Variants in TRMT11 observed in about 807,000 individuals in gnomAD.
TRMT11 encodes tRNA methyltransferase 11, also known as tRNA (guanine(10)-N(2))-methyltransferase TRMT11.
TRMT11 carries 53 observed loss-of-function variants against 62.8 expected under a neutral mutation model. The ratio of observed to expected loss-of-function variants is 0.84; its 90% CI spans 0.68 to 1.06. TRMT11 has a LOEUF of 1.06. Ranked by LOEUF, TRMT11 falls within the 50% of genes least tolerant of loss-of-function variation. TRMT11 has a pLI of 0.00. For synonymous variants in TRMT11, 188 were observed against 190.3 expected (o/e 0.99, Z 0.10); for missense variants, 556 against 553.4 (o/e 1.00, Z -0.05).
At chr6:126,141,248 T>G (rs1415265413) in intron 21 of TRMT11, among the ~76,000 whole-genome samples, 2 of 152,124 alleles carry the variant, frequency 1.3e-5, no homozygotes, top group Admixed American at 1.3e-4. Context: ...TGTCTAATTT[T>G]GGTTATCAAA....
At chr6:126,000,607 A>G (rs949363056) in intron 7 of TRMT11, among the ~76,000 whole-genome samples, 2 of 152,128 alleles carry the variant, frequency 1.3e-5, no homozygotes, top group African/African-American at 4.8e-5. Context: ...CATGCCCTTA[A>G]CTTTGAGCTG....
At chr6:126,241,213 G>C in the TRMT11 span, among the ~76,000 whole-genome samples, 13 of 152,302 alleles carry the variant, frequency 8.5e-5, no homozygotes, top group African/African-American at 2.2e-4. Context: ...TGCACCCACT[G>C]TCTGACAGTC....
the TRMT11 span, among the ~76,000 whole-genome samples, chr6:126,236,864 TAG>T: frequency 6.6e-6 from 1 of 152,178 alleles, no homozygotes; most frequent in African/African-American, 2.4e-5. Flanking sequence ...TAATTGGTCT[TAG>T]GTAATCCCTC....
chr6:126,141,111 T>C (rs897625648), intron 21 of TRMT11, among the ~76,000 whole-genome samples: 1 of 152,068 alleles, frequency 6.6e-6, no homozygotes, highest in African/African-American at 2.4e-5. Context: ...GAAAACGTAC[T>C]TAGCAAACTG....
At chr6:126,083,319 A>G (rs1777179341) in intron 17 of TRMT11, among the ~76,000 whole-genome samples, 2 of 152,056 alleles carry the variant, frequency 1.3e-5, no homozygotes, top group African/African-American at 2.4e-5. Context: ...CCTGACCCCA[A>G]TGTACCTAAG....
chr6:126,180,698 G>T (rs1008472956), intron 1 of TRMT11, among the ~76,000 whole-genome samples: 2 of 152,128 alleles, frequency 1.3e-5, no homozygotes, highest in African/African-American at 4.8e-5. Flanking sequence ...AACTGCTTAC[G>T]CATGTGGCAA....
At chr6:125,990,596 T>C (rs1403354466) in intron 1 of TRMT11, among the ~76,000 whole-genome samples, 1 of 152,218 alleles carries the variant, frequency 6.6e-6, no homozygotes, top group Non-Finnish European at 1.5e-5. Context: ...ATTTTTGTTA[T>C]CTTTCTATGC....
At chr6:126,005,933 AC>A (rs904303292) in intron 7 of TRMT11, among the ~76,000 whole-genome samples, 2 of 151,888 alleles carry the variant, frequency 1.3e-5, no homozygotes, top group African/African-American at 2.4e-5. Flanking sequence ...CCTTCAGATG[AC>A]CCATAGGTGG....
At chr6:126,272,244 A>C in the TRMT11 span, among the ~76,000 whole-genome samples, 2 of 152,146 alleles carry the variant, frequency 1.3e-5, no homozygotes, top group South Asian at 4.1e-4. Context: ...AAACTAAGTA[A>C]GTGACCTTTT....
chr6:126,139,395 G>T (rs1777888394), intron 21 of TRMT11, among the ~76,000 whole-genome samples: 1 of 151,858 alleles, frequency 6.6e-6, no homozygotes, highest in East Asian at 1.9e-4. Context: ...TCAAGACTGA[G>T]TCTTGCTCTA....
At chr6:126,033,062 G>A (rs113257744) in intron 12 of TRMT11, among the ~76,000 whole-genome samples, 10 of 152,218 alleles carry the variant, frequency 6.6e-5, no homozygotes, top group South Asian at 2.1e-4. Flanking sequence ...CTGAATTGAC[G>A]TATTGTGGAA....
At chr6:126,202,704 T>A (rs865988961), downstream of TRMT11, among the ~76,000 whole-genome samples, 12 of 152,346 alleles carry the variant, frequency 7.9e-5, no homozygotes, top group Non-Finnish European at 1.5e-4. Flanking sequence ...AAAGTTTATA[T>A]GTTGGCTGAG....
At chr6:126,244,527 T>G in the TRMT11 span, among the ~76,000 whole-genome samples, 2 of 152,210 alleles carry the variant, frequency 1.3e-5, no homozygotes, top group East Asian at 3.8e-4. Flanking sequence ...TTACAAGCTT[T>G]GCTTCCAAGG....
At chr6:126,168,587 T>C (rs1977510) in intron 21 of TRMT11, among the ~76,000 whole-genome samples, 49,330 of 152,054 alleles carry the variant, frequency 0.32, 9,715 homozygotes, top group African/African-American at 0.56. Context: ...GGCGCGATCT[T>C]GGCTCACCGC....
intron 21 of TRMT11, among the ~76,000 whole-genome samples, chr6:126,119,234 C>T (rs1777622072): frequency 6.6e-6 from 1 of 152,056 alleles, no homozygotes; most frequent in Non-Finnish European, 1.5e-5. Context: ...TTGTCCTTTA[C>T]AAAAAGAGCA....
intron 17 of TRMT11, among the ~76,000 whole-genome samples, chr6:126,095,305 G>C (rs565840596): frequency 6.6e-6 from 1 of 152,290 alleles, no homozygotes; most frequent in Admixed American, 6.5e-5. Context: ...AATCTCCTCA[G>C]CTATATTGCC....
At chr6:126,215,508 C>T in the TRMT11 span, among the ~76,000 whole-genome samples, 2 of 151,932 alleles carry the variant, frequency 1.3e-5, no homozygotes, top group African/African-American at 4.8e-5. Flanking sequence ...TATAGTGACT[C>T]ATAATCTTTT....
chr6:126,009,513 G>A (rs1793865829), intron 8 of TRMT11: 1 of 151,892 alleles, frequency 6.6e-6, no homozygotes, highest in African/African-American at 2.4e-5. Flanking sequence ...ACTGGGATCA[G>A]CCCTTATAAT....
At chr6:126,220,789 T>C in the TRMT11 span, among the ~76,000 whole-genome samples, 1 of 152,152 alleles carries the variant, frequency 6.6e-6, no homozygotes, top group Non-Finnish European at 1.5e-5. Flanking sequence ...GTTCAGGGGA[T>C]ACATGTGCAG....
Sources: gnomAD v4.1 joint callset for allele counts (sites outside exome capture counted in the v4.1 genomes callset) on GRCh38, gnomAD v4.1.1 for gene constraint, MANE v1.5 for transcripts, NCBI Gene and HGNC (gene_info 2026-07-23, HGNC 2026-07-21) for gene names.